Variants in RFX1 observed in about 807,000 individuals in gnomAD.
RFX1 encodes the protein MHC class II regulatory factor RFX1.
Under a neutral mutation model 119.6 loss-of-function variants are expected in RFX1, and 42 were observed. That is an observed-to-expected ratio of 0.35 (90% confidence interval 0.27 to 0.45). The LOEUF (loss-of-function observed/expected upper bound fraction) is 0.45. Ranked by LOEUF, RFX1 falls within the 20% of genes least tolerant of loss-of-function variation. The pLI, the probability that RFX1 is intolerant of heterozygous loss-of-function variation, is 1.00. For synonymous variants in RFX1, 628 were observed against 618.5 expected (o/e 1.02, Z -0.23); for missense variants, 1,118 against 1,368.1 (o/e 0.82, Z 2.88).
chr19:13,994,802 C>A (rs1343226169), intron 1 of RFX1, among the ~76,000 whole-genome samples: 2 of 124,708 alleles, frequency 1.6e-5, no homozygotes. Flanking sequence ...CATATATATA[C>A]ATATATAGTA....
chr19:13,974,798 C>G (rs1018443762), intron 8 of RFX1, among the ~76,000 whole-genome samples: 1 of 152,154 alleles, frequency 6.6e-6, no homozygotes, highest in South Asian at 2.1e-4. Context: ...GTAATCCCAG[C>G]ACTTTGGGAG....
At chr19:14,002,359 T>C (rs906783485) in intron 1 of RFX1, among the ~76,000 whole-genome samples, 4 of 131,818 alleles carry the variant, frequency 3.0e-5, no homozygotes, top group Non-Finnish European at 6.5e-5. Flanking sequence ...GTGGCAGGCA[T>C]CTGTAATCCC....
rs1973882021 is a variant in RFX1 at position 13,965,923 on chromosome 19, C to T, written c.1962-146G>A. ...CCCCCAGCATCAGAAGGCACAGGTA[C>T]CCCCTTACCCCCACTCCAGGGTCAG... On this transcript the variant is annotated intron_variant, in intron 14 of 20. Coordinates refer to ENST00000254325, the MANE Select transcript of RFX1 (RefSeq NM_002918.5). This position sits in a 1 kb window ranked among gnomAD's most constrained non-coding sequence, Gnocchi z 4.7. 5.5e-6 allele frequency: 5 copies of T among 905,506 alleles called. No individual in the cohort carries two copies. Among genetic ancestry groups the T allele is most frequent in the Non-Finnish European group, 8.3e-6 (5 of 603,556 alleles). 56.1% of individuals were successfully genotyped at this position (905,506 alleles called of 1,614,324 possible).
chr19:13,964,527 G>A (rs1268528285), intron 16 of RFX1, among the ~76,000 whole-genome samples: 2 of 151,988 alleles, frequency 1.3e-5, no homozygotes, highest in Admixed American at 1.3e-4. Flanking sequence ...CTCTATCCAG[G>A]CTAGAGTGCA....
In RFX1 at chr19:13,970,215, G is replaced by A. The variant is rs10409855; in HGVS notation, c.1315-40C>T. The A allele has an allele frequency of 3.1e-4, 469 of 1,527,828 alleles. 3 individuals carry two copies. The African/African-American group carries it at 6.1e-3, about 20-fold the overall frequency. The allele number at this position is 1,527,828 out of a possible 1,614,324, so 94.6% of individuals were successfully genotyped here. On this transcript the variant is annotated intron_variant, in intron 9 of 20. Transcript: ENST00000254325. Reference sequence around the variant, plus strand: ...AGATGGGAGAGCACCAGTCAGAGGCGCTTCCGTCATCTCTGAGTGCTGGGG... The same window carrying A: ...AGATGGGAGAGCACCAGTCAGAGGCACTTCCGTCATCTCTGAGTGCTGGGG...
chr19:13,991,460 C>T (rs903642839), intron 2 of RFX1, among the ~76,000 whole-genome samples: 1 of 152,104 alleles, frequency 6.6e-6, no homozygotes, highest in Non-Finnish European at 1.5e-5. Flanking sequence ...GGCGGGGGGG[C>T]ACTAAGTGTG....
chr19:13,973,148 A>G lies in RFX1; in HGVS notation c.930-21T>C, dbSNP rs1192942012. ...AACGGCTGGGAAAGAGGCAAAGCCA[A>G]GGGAGAGTCAGGGGGATGAGAACTG... On this transcript the variant is annotated intron_variant, in intron 8 of 20. Transcript: ENST00000254325. 5.9e-6 allele frequency: 8 copies of G among 1,348,716 alleles called. 1 individual carries two copies. Among genetic ancestry groups the G allele is most frequent in the African/African-American group, 4.9e-5 (3 of 61,774 alleles). The allele number at this position is 1,348,716 out of a possible 1,614,324, so 83.5% of individuals were successfully genotyped here.
Position 13,970,179 on chromosome 19 carries a change from G to C in RFX1, c.1315-4C>G. ...AGTTGTCCAGGAGCCACTGGACCTGGGGTGGGAGGGAGATGGGAGAGCACC... is the reference window on the plus strand; with the variant it reads ...AGTTGTCCAGGAGCCACTGGACCTGCGGTGGGAGGGAGATGGGAGAGCACC... On this transcript the variant is annotated splice_polypyrimidine_tract_variant and splice_region_variant and intron_variant, in intron 9 of 20. Coordinates refer to ENST00000254325, the MANE Select transcript of RFX1 (RefSeq NM_002918.5). The C allele has an allele frequency of 1.3e-6, 2 of 1,596,030 alleles. No homozygotes were observed. Among genetic ancestry groups the C allele is most frequent in the Non-Finnish European group, 1.7e-6 (2 of 1,168,282 alleles).
chr19:14,005,594 C>T lies in RFX1; in HGVS notation c.-53+509G>A, dbSNP rs553666948. On this transcript the variant is annotated intron_variant, in intron 1 of 20. Coordinates refer to ENST00000254325, the MANE Select transcript of RFX1 (RefSeq NM_002918.5). Reference sequence around the variant, plus strand: ...GGCCTCAGATGGACAGGCACTTGTCCAAGTTCTGAGTCCTGGGACAACTGC... The same window carrying T: ...GGCCTCAGATGGACAGGCACTTGTCTAAGTTCTGAGTCCTGGGACAACTGC... Among the ~76,000 whole-genome samples, 13 of 152,296 alleles carry T rather than the reference C, an allele frequency of 8.5e-5. No individual in the cohort carries two copies. The East Asian group carries it at 1.5e-3, about 18-fold the overall frequency.
chr19:13,994,918 A>C (rs1208048504), intron 1 of RFX1, among the ~76,000 whole-genome samples: 1 of 94,398 alleles, frequency 1.1e-5, no homozygotes, highest in Non-Finnish European at 2.4e-5. Flanking sequence ...ATATATATAT[A>C]TATATATATA....
rs1346399709 is a variant in RFX1, at chr19:13,980,544, C to T, written c.738+29G>A. ...AGGCTGCCTGGCCGGTACCCCTGGACCGAGCCACTGCCCGCCTTGGCCTGG... is the reference window on the plus strand; with the variant it reads ...AGGCTGCCTGGCCGGTACCCCTGGATCGAGCCACTGCCCGCCTTGGCCTGG... On this transcript the variant is annotated intron_variant, in intron 6 of 20. Transcript: ENST00000254325. The surrounding 1 kb of genome is among the most constrained non-coding windows in gnomAD (Gnocchi z 5.1). 1 of 1,432,898 alleles carries T rather than the reference C, an allele frequency of 7.0e-7. No individual in the cohort carries two copies. The highest frequency in any genetic ancestry group is 9.5e-7 in the Non-Finnish European group (1 of 1,051,174). 88.8% of individuals were successfully genotyped at this position (1,432,898 alleles called of 1,614,324 possible). A position where few individuals can be genotyped will look rare whatever the true frequency, so the allele number is the denominator to read the frequency against.
intron 9 of RFX1, among the ~76,000 whole-genome samples, chr19:13,972,473 T>A (rs887553068): frequency 2.0e-5 from 3 of 152,160 alleles, no homozygotes; most frequent in African/African-American, 7.2e-5. Context: ...GGATTACAGG[T>A]GTGAGCCACA....
chr19:13,996,718 C>CTTTTTTTT (rs767281958), intron 1 of RFX1, among the ~76,000 whole-genome samples: 36 of 114,390 alleles, frequency 3.1e-4, no homozygotes, highest in African/African-American at 4.8e-4. Flanking sequence ...GGCTCATTTG[C>CTTTTTTTT]TTTTTTTTTT....
At chr19:13,984,705 GCCAA>G (rs1568473116) in intron 2 of RFX1, among the ~76,000 whole-genome samples, 1 of 152,096 alleles carries the variant, frequency 6.6e-6, no homozygotes, top group Admixed American at 6.6e-5. Context: ...CCATCAAGGA[GCCAA>G]GGTCCCAGGC....
Position 13,993,734 on chromosome 19 carries a change from G to T in RFX1, c.110C>A (p.Ala37Glu). Residue 37 changes from alanine (A) to glutamate (E), a missense_variant, in exon 2 of 21, where the codon GCA becomes GAA. Ala to Glu is a moderately radical substitution (Grantham distance 107, BLOSUM62 -1). Coordinates refer to ENST00000254325, the MANE Select transcript of RFX1 (RefSeq NM_002918.5). ...PQPPPPPPPA[A>E]PQPPQPPTAA... ...GGTGGGTGGCTGCGGGGGCTGGGGT[G>T]CCGCTGGGGGTGGTGGCGGTGGCGG... 1 of 1,583,780 alleles carries T rather than the reference G, an allele frequency of 6.3e-7. No individual in the cohort carries two copies.
chr19:14,006,427 G>A (rs1017952524), upstream of RFX1: 5 of 152,250 alleles, frequency 3.3e-5, no homozygotes, highest in Non-Finnish European at 7.3e-5. Flanking sequence ...TAAACTATTA[G>A]TTCCGATGCA....
chr19:13,978,157 G>T, intron 7 of RFX1, 71 bp from the exon 8 acceptor site: 1 of 1,166,916 alleles, frequency 8.6e-7, no homozygotes. Flanking sequence ...CTAAAGGGCT[G>T]GTGCCCACCC....
intron 1 of RFX1, chr19:13,998,368 C>T (rs1439034968): frequency 6.6e-6 from 1 of 151,962 alleles, no homozygotes; most frequent in Non-Finnish European, 1.5e-5. Context: ...CCTGTAGCCC[C>T]ACCTATTCGG....
In RFX1 at chr19:13,962,347, G is replaced by GGCCT. The variant is rs1197068649; in HGVS notation, c.*344_*347dup. 2.1e-5 allele frequency: 7 copies of GGCCT among 341,278 alleles called. No individual in the cohort carries two copies. Among genetic ancestry groups the GGCCT allele is most frequent in the South Asian group, 8.1e-5 (2 of 24,828 alleles). 21.1% of individuals were successfully genotyped at this position (341,278 alleles called of 1,614,324 possible). Reference sequence around the variant, plus strand: ...AAGTTAACAGTTTCGCACGGGAGGGGGCCTGCCTGCCTGCCCCCTGGGGTG... The same window carrying GGCCT: ...AAGTTAACAGTTTCGCACGGGAGGGGGCCTGCCTGCCTGCCTGCCCCCTGGGGTG... On this transcript the variant is annotated 3_prime_UTR_variant, in exon 21 of 21. Transcript: ENST00000254325.
Sources: allele counts gnomAD v4.1 joint callset (sites outside exome capture counted in the v4.1 genomes callset), GRCh38; gene constraint gnomAD v4.1.1; non-coding constraint Gnocchi (gnomAD v3.1); transcripts MANE v1.5; gene names NCBI Gene and HGNC (gene_info 2026-07-23, HGNC 2026-07-21).